The following YES1 variants were observed in gnomAD, a reference collection of about 807,000 sequenced individuals.
The protein encoded by YES1 is tyrosine-protein kinase Yes.
YES1 carries 39 observed loss-of-function variants against 70.4 expected under a neutral mutation model. The ratio of observed to expected loss-of-function variants is 0.55; its 90% CI spans 0.43 to 0.72. The LOEUF (loss-of-function observed/expected upper bound fraction) is 0.72. Ranked by LOEUF, YES1 falls within the 30% of genes least tolerant of loss-of-function variation. The pLI is 0.00. For missense variants in YES1, 495 were observed against 644.8 expected, an observed-to-expected ratio of 0.77 and a Z score of 2.52; for synonymous variants, 198 against 218.6, an observed-to-expected ratio of 0.91 and a Z score of 0.83.
intron 11 of YES1, among the ~76,000 whole-genome samples, chr18:732,452 A>AC (rs1312659757): frequency 2.0e-5 from 3 of 146,900 alleles, no homozygotes; most frequent in South Asian, 2.1e-4. Context: ...AAAAAAAAAA[A>AC]AAAAACAAAA....
intron 1 of YES1, among the ~76,000 whole-genome samples, chr18:785,645 T>G (rs1487136153): frequency 1.3e-5 from 2 of 152,124 alleles, no homozygotes; most frequent in Non-Finnish European, 2.9e-5. Flanking sequence ...AGGTGGGATC[T>G]TTAAGATGTA....
At chr18:798,334 T>C (rs1445696267) in intron 1 of YES1, among the ~76,000 whole-genome samples, 2 of 152,234 alleles carry the variant, frequency 1.3e-5, no homozygotes, top group Non-Finnish European at 2.9e-5. Context: ...GTTTTTCCTT[T>C]TCTGAAACAT....
intron 9 of YES1, 113 bp from the exon 10 acceptor site, chr18:737,074 G>T: frequency 1.1e-6 from 1 of 892,856 alleles, no homozygotes; most frequent in South Asian, 1.8e-5. Context: ...ATTTTAGAAG[G>T]AGATGATGGT....
At position 747,740 on chromosome 18, in the gene YES1, A is replaced by C. The variant is rs537293139; in HGVS notation, c.470+180T>G. 8.5e-5 allele frequency among the ~76,000 whole-genome samples: 13 copies of C among 152,288 alleles called. No individual in the cohort carries two copies. The South Asian group carries it at 1.0e-3, about 12-fold the overall frequency. On this transcript the variant is annotated intron_variant, in intron 4 of 11. Coordinates refer to ENST00000314574, the MANE Select transcript of YES1 (RefSeq NM_005433.4). Reference sequence around the variant, plus strand: ...CTGATGCAGATTCGTTTATGATCCTACTCTAAGTGAATAGTATGACATTAG... The same window carrying C: ...CTGATGCAGATTCGTTTATGATCCTCCTCTAAGTGAATAGTATGACATTAG...
At chr18:800,679 G>A (rs1309593737) in intron 1 of YES1, among the ~76,000 whole-genome samples, 2 of 152,188 alleles carry the variant, frequency 1.3e-5, no homozygotes, top group Non-Finnish European at 2.9e-5. Context: ...TGACACAGTG[G>A]CAAAAGAGTG....
At chr18:791,792 C>A (rs9965976) in intron 1 of YES1, among the ~76,000 whole-genome samples, 1 of 152,066 alleles carries the variant, frequency 6.6e-6, no homozygotes, top group African/African-American at 2.4e-5. Context: ...TGGTGGCTCA[C>A]GTCTGTAATC....
rs1314880628 is a variant in YES1, at chr18:745,855, C to T, written c.577G>A (p.Ala193Thr). The T allele has an allele frequency of 3.1e-6, 5 of 1,610,272 alleles. No homozygotes were observed. Among genetic ancestry groups the T allele is most frequent in the Non-Finnish European group, 4.2e-6 (5 of 1,179,154 alleles). Residue 193 changes from alanine (A) to threonine (T), a missense_variant and splice_region_variant, in exon 6 of 12, where the codon GCT becomes ACT. Physicochemically the swap from Ala to Thr is moderately conservative, Grantham distance 58 (BLOSUM62 0). This residue lies in a region of YES1 where 385 missense variants were observed against 540.9 expected (regional missense o/e 0.71). Transcript: ENST00000314574. ...CAATCACGAATAGAAAGGGAATAAG[C>T]ACCTGGGTGAAAAATAAATACTTTC... ...LVRESETTKG[A>T]YSLSIRDWDE...
chr18:792,033 G>A (rs1568216642), intron 1 of YES1, among the ~76,000 whole-genome samples: 1 of 152,120 alleles, frequency 6.6e-6, no homozygotes, highest in African/African-American at 2.4e-5. Context: ...ACTGGAGAGT[G>A]TTCATAACCA....
At chr18:751,828 G>T in intron 2 of YES1, 24 bp from the exon 3 acceptor site, 1 of 1,313,848 alleles carries the variant, frequency 7.6e-7, no homozygotes, top group Non-Finnish European at 1.1e-6. Flanking sequence ...AAAAGACCAA[G>T]GTAAATTATG....
intron 11 of YES1, among the ~76,000 whole-genome samples, chr18:731,923 T>C (rs62091710): frequency 0.11 from 14,071 of 132,492 alleles, 857 homozygotes; most frequent in East Asian, 0.29. Context: ...GCTGAGATCG[T>C]GCCACTGCAC....
At chr18:745,383 T>C (rs1237548552) in intron 6 of YES1, among the ~76,000 whole-genome samples, 3 of 152,200 alleles carry the variant, frequency 2.0e-5, no homozygotes, top group African/African-American at 7.2e-5. Flanking sequence ...ACCCAATGTT[T>C]AGTTTTACTT....
Position 732,914 on chromosome 18 carries a change from CGACCATA to C in YES1, c.1336_1342del (p.Tyr446GlyfsTer4). 6.2e-7 allele frequency: 1 copy of C among 1,614,074 alleles called. No individual in the cohort carries two copies. The highest frequency in any genetic ancestry group is 8.5e-7 in the Non-Finnish European group (1 of 1,180,028). ...CCAGACATCAGACTTTATTGTAAAC[CGACCATA>C]CAGTGCAGCTTCAGGAGCTGTCCAT... On this transcript the variant is annotated frameshift_variant, in exon 11 of 12. Transcript: ENST00000314574. LOFTEE classifies it high-confidence loss of function.
intron 1 of YES1, among the ~76,000 whole-genome samples, chr18:778,341 A>G (rs1287356566): frequency 3.3e-5 from 5 of 152,244 alleles, no homozygotes; most frequent in African/African-American, 1.2e-4. Flanking sequence ...CAAACATGAT[A>G]ACATTATTTA....
chr18:764,379 T>C (rs567990970), intron 1 of YES1, among the ~76,000 whole-genome samples: 2 of 151,916 alleles, frequency 1.3e-5, no homozygotes, highest in East Asian at 4.0e-4. Context: ...TGTGCCACCA[T>C]GCCCGGCTAA....
At chr18:727,896 T>A (rs1402212892) in intron 11 of YES1, among the ~76,000 whole-genome samples, 2 of 152,184 alleles carry the variant, frequency 1.3e-5, no homozygotes, top group Non-Finnish European at 2.9e-5. Context: ...CTGTTGTTCC[T>A]GCGTAGATAA....
At chr18:757,918 A>C (rs1904379195) in intron 1 of YES1, among the ~76,000 whole-genome samples, 2 of 151,992 alleles carry the variant, frequency 1.3e-5, no homozygotes, top group African/African-American at 4.8e-5. Flanking sequence ...AAAGAGAAAA[A>C]CCTACCTCAT....
chr18:729,401 C>T (rs565207580), intron 11 of YES1, among the ~76,000 whole-genome samples: 1 of 151,476 alleles, frequency 6.6e-6, no homozygotes, highest in East Asian at 2.0e-4. Flanking sequence ...GGAGACAGAG[C>T]GAGACTCTGT....
rs771891606 is a variant in YES1, at chr18:743,244, A to T, written c.880+16T>A. On this transcript the variant is annotated intron_variant, in intron 7 of 11. Transcript: ENST00000314574. ...CAGCTAAACAATGACAGAAAACAAA[A>T]ATTCAGGCTTCTTACCCATCCACAC... 3 of 1,600,688 alleles carry T rather than the reference A, an allele frequency of 1.9e-6. No homozygotes were observed. The highest frequency in any genetic ancestry group is 2.6e-6 in the Non-Finnish European group (3 of 1,171,892).
In YES1 at chr18:765,247, A is replaced by AATAT. The variant is rs1568204656; in HGVS notation, c.-8-8413_-8-8412insATAT. Among the ~76,000 whole-genome samples the AATAT allele has an allele frequency of 1.8e-3, 111 of 62,376 alleles. 1 individual carries two copies. The highest frequency in any genetic ancestry group is 5.8e-3 in the African/African-American group (103 of 17,730). 40.9% of individuals were successfully genotyped at this position (62,376 alleles called of 152,430 possible). On this transcript the variant is annotated intron_variant, in intron 1 of 11. Coordinates refer to ENST00000314574, the MANE Select transcript of YES1 (RefSeq NM_005433.4). ...TGGACAGGTTTGGGAAAGAGTTACA[A>AATAT]CTATATATATATATATATATATATA...
Sources: gnomAD v4.1 joint callset for allele counts (sites outside exome capture counted in the v4.1 genomes callset) on GRCh38, gnomAD v4.1.1 for gene constraint, gnomAD v4.1.1 regional missense constraint, MANE v1.5 for transcripts, NCBI Gene and HGNC (gene_info 2026-07-23, HGNC 2026-07-21) for gene names.